Variants in SCN8A observed in about 807,000 individuals in gnomAD.
SCN8A encodes the protein sodium voltage-gated channel alpha subunit 8, also known as sodium channel protein type 8 subunit alpha.
A neutral mutation model predicts 184.1 loss-of-function variants in SCN8A; 30 were observed. That is an observed-to-expected ratio of 0.16 (90% CI 0.12 to 0.22). The LOEUF is 0.22. Ranked by LOEUF, SCN8A falls within the 10% of genes least tolerant of loss-of-function variation. SCN8A has a pLI of 1.00. For missense variants in SCN8A, 1,057 were observed against 2,498.9 expected, an observed-to-expected ratio of 0.42 and a Z score of 12.30; for synonymous variants, 852 against 907.0, an observed-to-expected ratio of 0.94 and a Z score of 1.09.
At chr12:51,701,308 T>A in intron 8 of SCN8A, 101 bp downstream of exon 8, 1 of 642,946 alleles carries the variant, frequency 1.6e-6, no homozygotes, top group Non-Finnish European at 2.5e-6. Context: ...TGTGCTCAAG[T>A]AGTAGACCTT....
At chr12:51,735,930 AGTT>A (rs1942318536) in intron 12 of SCN8A, among the ~76,000 whole-genome samples, 1 of 152,140 alleles carries the variant, frequency 6.6e-6, no homozygotes, top group South Asian at 2.1e-4. Flanking sequence ...CCACCAAATC[AGTT>A]GTTCTGTTTC....
At chr12:51,753,506 G>C (rs920485736) in intron 14 of SCN8A, among the ~76,000 whole-genome samples, 3 of 152,198 alleles carry the variant, frequency 2.0e-5, no homozygotes, top group Admixed American at 6.5e-5. Context: ...AGTTGGGTAC[G>C]TGCTGGACCT....
intron 11 of SCN8A, among the ~76,000 whole-genome samples, chr12:51,711,253 T>C (rs1389351014): frequency 6.6e-6 from 1 of 152,228 alleles, no homozygotes; most frequent in Non-Finnish European, 1.5e-5. Flanking sequence ...CACTGATTGC[T>C]CCTTAACTCA....
intron 19 of SCN8A, among the ~76,000 whole-genome samples, chr12:51,773,096 A>G (rs1241483439): frequency 6.6e-6 from 1 of 151,894 alleles, no homozygotes; most frequent in Non-Finnish European, 1.5e-5. Context: ...CATCCTGGGC[A>G]ACTGAGCGAG....
At chr12:51,789,083 C>A (rs552977135) in intron 23 of SCN8A, among the ~76,000 whole-genome samples, 198 bp from the exon 24 acceptor site, 76 of 152,308 alleles carry the variant, frequency 5.0e-4, no homozygotes, top group African/African-American at 1.4e-3. Flanking sequence ...ATGTTCTCCA[C>A]ATGAGTCAGA....
chr12:51,692,429 C>T (rs1941527159), intron 6 of SCN8A, among the ~76,000 whole-genome samples: 2 of 152,218 alleles, frequency 1.3e-5, no homozygotes, highest in Non-Finnish European at 2.9e-5. Context: ...TTACAGCTTT[C>T]TTGTAGCTCA....
Position 51,810,362 on chromosome 12 carries a change from A to G in SCN8A, c.*2933A>G. 1 of 409,516 alleles carries G rather than the reference A, an allele frequency of 2.4e-6. No homozygotes were observed. Among genetic ancestry groups the G allele is most frequent in the Admixed American group, 2.7e-5 (1 of 36,368 alleles). 25.4% of individuals were successfully genotyped at this position (409,516 alleles called of 1,614,324 possible). On this transcript the variant is annotated 3_prime_UTR_variant, in exon 27 of 27. Transcript: ENST00000627620. ...CTCCACACTTCTTTGGTAGTAAATG[A>G]CACCATCACCAGCAGTTTACACCCG... is the stretch of plus-strand genomic sequence containing the variant.
At chr12:51,638,049 C>T (rs1441466914) in intron 1 of SCN8A, among the ~76,000 whole-genome samples, 1 of 152,094 alleles carries the variant, frequency 6.6e-6, no homozygotes, top group Non-Finnish European at 1.5e-5. Context: ...ATCTACTCTA[C>T]CTGTGCCCTA....
At chr12:51,647,093 C>T (rs139564603) in intron 1 of SCN8A, among the ~76,000 whole-genome samples, 97 of 152,196 alleles carry the variant, frequency 6.4e-4, no homozygotes, top group African/African-American at 9.4e-4. Flanking sequence ...CCAGTAGTCC[C>T]GGCCACTTGG....
chr12:51,751,204 C>T (rs932142628), intron 13 of SCN8A, 151 bp from the exon 14 acceptor site: 7 of 617,004 alleles, frequency 1.1e-5, no homozygotes, highest in African/African-American at 1.1e-4. Context: ...TCCTCTCTAC[C>T]TTAGAGAGAA....
intron 1 of SCN8A, among the ~76,000 whole-genome samples, chr12:51,659,349 A>G (rs955363776): frequency 5.3e-5 from 8 of 152,222 alleles, no homozygotes; most frequent in African/African-American, 1.9e-4. Context: ...GGGATGCTGA[A>G]AGTAAATTTT....
At position 51,662,997 on chromosome 12, in the gene SCN8A, A is replaced by C. The variant is rs778905289; in HGVS notation, c.180A>C (p.Glu60Asp). The change falls in exon 2 of 27, where the codon GAA becomes GAC. Residue 60 changes from glutamate (E) to aspartate (D), a missense_variant. Glu to Asp is a conservative substitution (Grantham distance 45). Coordinates refer to ENST00000627620, the MANE Select transcript of SCN8A (RefSeq NM_001330260.2). ...AGCCCAAGCCAAACAGCGACCTGGAAGCAGGGAAGAGTTTGCCTTTCATCT... is the reference window on the plus strand; with the variant it reads ...AGCCCAAGCCAAACAGCGACCTGGACGCAGGGAAGAGTTTGCCTTTCATCT... The part of the protein sequence containing the change: ...DSKPKPNSDL[E>D]AGKSLPFIYG... The C allele has an allele frequency of 6.2e-7, 1 of 1,614,058 alleles. No homozygotes were observed. Among genetic ancestry groups the C allele is most frequent in the South Asian group, 1.1e-5 (1 of 91,088 alleles).
rs146066487 is a variant in SCN8A at position 51,605,638 on chromosome 12, G to T, written c.-55+14279G>T. ...AGTGGGATTGCTGGACCAAATGGTA[G>T]TTCTACTTTTAGTTTTTTAAGGAAT... On this transcript the variant is annotated intron_variant, in intron 1 of 26. Transcript: ENST00000627620. Among the ~76,000 whole-genome samples, 675 of 152,314 alleles carry T rather than the reference G, an allele frequency of 4.4e-3. 3 individuals carry two copies. The highest frequency in any genetic ancestry group is 7.3e-3 in the Non-Finnish European group (497 of 68,026).
intron 14 of SCN8A, among the ~76,000 whole-genome samples, chr12:51,759,946 G>A (rs1032072607): frequency 6.6e-6 from 1 of 152,192 alleles, no homozygotes; most frequent in African/African-American, 2.4e-5. Flanking sequence ...CAGTGAGAGA[G>A]CAAGAGAGGG....
Position 51,804,495 on chromosome 12 carries a change from C to CTTTT in SCN8A, c.4796-1778_4796-1775dup, listed in dbSNP as rs35338908. 2.3e-4 allele frequency among the ~76,000 whole-genome samples: 33 copies of CTTTT among 142,468 alleles called. 1 individual carries two copies. The highest frequency in any genetic ancestry group is 3.6e-3 in the Middle Eastern group (1 of 278). 93.5% of individuals were successfully genotyped at this position (142,468 alleles called of 152,430 possible). ...CACCGCGCCCAGCTAATTTTTGTAC[C>CTTTT]TTTTTTTTTTTTGAGATGGAGTCTC... On this transcript the variant is annotated intron_variant, in intron 26 of 26. Transcript: ENST00000627620.
chr12:51,686,364 C>G lies in SCN8A; in HGVS notation c.396-4C>G. 1 of 1,596,920 alleles carries G rather than the reference C, an allele frequency of 6.3e-7. No homozygotes were observed. Among genetic ancestry groups the G allele is most frequent in the South Asian group, 1.1e-5 (1 of 90,230 alleles). The stretch of plus-strand genomic sequence containing the variant: ...TTTAATATTGCCCCTTGACTCTTCT[C>G]TACAGTATTTAGCATGATCATTATG... On this transcript the variant is annotated splice_region_variant and splice_polypyrimidine_tract_variant and intron_variant, in intron 3 of 26. Coordinates refer to ENST00000627620, the MANE Select transcript of SCN8A (RefSeq NM_001330260.2).
At chr12:51,762,944 A>G (rs1273601907) in intron 15 of SCN8A, among the ~76,000 whole-genome samples, 1 of 152,234 alleles carries the variant, frequency 6.6e-6, no homozygotes, top group South Asian at 2.1e-4. Flanking sequence ...GTCTAAGATG[A>G]TAAGTGAAAA....
Position 51,651,352 on chromosome 12 carries a change from C to T in SCN8A, c.-54-11412C>T, listed in dbSNP as rs924942732. Among the ~76,000 whole-genome samples, 41 of 152,260 alleles carry T rather than the reference C, an allele frequency of 2.7e-4. 1 individual carries two copies. Among genetic ancestry groups the T allele is most frequent in the Non-Finnish European group, 2.5e-4 (17 of 68,012 alleles). On this transcript the variant is annotated intron_variant, in intron 1 of 26. Coordinates refer to ENST00000627620, the MANE Select transcript of SCN8A (RefSeq NM_001330260.2). ...CTGAGTAGCTGGGGTTACAGGCACC[C>T]GCTACCACGCCTGGCTAATTTTTCA...
chr12:51,685,576 CA>C (rs1181116431), intron 3 of SCN8A, among the ~76,000 whole-genome samples: 2 of 152,198 alleles, frequency 1.3e-5, no homozygotes, highest in Non-Finnish European at 2.9e-5. Flanking sequence ...TGGACACTTT[CA>C]GAATGGATTT....
Sources: allele counts gnomAD v4.1 joint callset (sites outside exome capture counted in the v4.1 genomes callset), GRCh38; gene constraint gnomAD v4.1.1; transcripts MANE v1.5; gene names NCBI Gene and HGNC (gene_info 2026-07-23, HGNC 2026-07-21).